The following TRRAP variants were observed in gnomAD, a reference collection of about 807,000 sequenced individuals.
TRRAP encodes the protein transformation/transcription domain associated protein, also known as transformation/transcription domain-associated protein.
A neutral mutation model predicts 438.8 loss-of-function variants in TRRAP; 41 were observed. The ratio of observed to expected loss-of-function variants is 0.09; its 90% CI spans 0.07 to 0.12. The LOEUF is 0.12. Among genes scored for constraint, TRRAP ranks in the 10% least tolerant of loss-of-function variants. The pLI is 1.00. For missense variants in TRRAP, 3,122 were observed against 5,055.1 expected (o/e 0.62, Z 11.60); for synonymous variants, 1,994 against 1,962.9 (o/e 1.02, Z -0.42).
intron 11 of TRRAP, among the ~76,000 whole-genome samples, chr7:98,902,908 TAA>T (rs34223624): frequency 9.8e-5 from 13 of 132,134 alleles, no homozygotes; most frequent in African/African-American, 2.9e-4. Context: ...CCCCCATTTC[TAA>T]AAAAAAAAAA....
At chr7:98,911,038 G>T in intron 16 of TRRAP, 39 bp from the exon 17 acceptor site, 1 of 1,592,918 alleles carries the variant, frequency 6.3e-7, no homozygotes, top group Non-Finnish European at 8.6e-7. Context: ...GAGAGGTTCA[G>T]TTTTAATGCC....
intron 69 of TRRAP, 64 bp from the exon 70 acceptor site, chr7:99,008,313 G>C: frequency 6.5e-7 from 1 of 1,533,438 alleles, no homozygotes; most frequent in South Asian, 1.2e-5. Context: ...CACTCTGACG[G>C]TGGAGCTGAG....
intron 12 of TRRAP, among the ~76,000 whole-genome samples, chr7:98,904,483 C>CAAA (rs59353514): frequency 9.9e-4 from 45 of 45,552 alleles, no homozygotes; most frequent in African/African-American, 2.2e-3. Context: ...GACTCTGTCT[C>CAAA]AAAAAAAAAA....
At chr7:98,914,718 C>CA (rs71118646) in intron 18 of TRRAP, among the ~76,000 whole-genome samples, 21,872 of 41,184 alleles carry the variant, frequency 0.53, 9,413 homozygotes, top group Non-Finnish European at 0.77. Flanking sequence ...GACCCTGTCT[C>CA]AAAAAAAAAA....
At position 98,948,268 on chromosome 7, in the gene TRRAP, G is replaced by C; in HGVS notation, c.4596G>C (p.Pro1532=). 2 of 1,614,106 alleles carry C rather than the reference G, an allele frequency of 1.2e-6. No individual in the cohort carries two copies. Among genetic ancestry groups the C allele is most frequent in the Non-Finnish European group, 1.7e-6 (2 of 1,180,044 alleles). Residue 1532 remains proline, a synonymous_variant, in exon 34 of 73, where the codon CCG becomes CCC. Transcript: ENST00000456197. The surrounding 1 kb of genome is among the most constrained non-coding windows in gnomAD (Gnocchi z 4.9). ...SAIINLFHLI[P]AAPQTLVKPL... is the part of the protein sequence containing the mutation. ...TTATAAACCTTTTTCATCTGATCCC[G>C]GCTGCTCCTCAGACACTGGTGAAGC... is the stretch of plus-strand genomic sequence containing the variant.
At chr7:98,878,879 G>A (rs1269542889) in intron 1 of TRRAP, among the ~76,000 whole-genome samples, 1 of 152,172 alleles carries the variant, frequency 6.6e-6, no homozygotes, top group Non-Finnish European at 1.5e-5. Context: ...GGCGCTCGGC[G>A]CTCGCCGTAG....
At position 98,917,523 on chromosome 7, in the gene TRRAP, G is replaced by T; in HGVS notation, c.2466G>T (p.Pro822=). 1 of 1,614,170 alleles carries T rather than the reference G, an allele frequency of 6.2e-7. No homozygotes were observed. ...CTGTGCGGCTGAGCTCGCTTTTGCC[G>T]TACCTGCCCATGCTTATGGATCCCT... ...TVPVRLSSLL[P]YLPMLMDPLV... The change falls in exon 20 of 73, where the codon CCG becomes CCT. Residue 822 remains proline (P), a synonymous_variant. Transcript: ENST00000456197.
At chr7:98,950,624 G>A (rs2116614053) in intron 38 of TRRAP, among the ~76,000 whole-genome samples, 1 of 152,342 alleles carries the variant, frequency 6.6e-6, no homozygotes. Context: ...AGGGTGGTTT[G>A]TTAATTGCCT....
At chr7:98,937,969 G>A (rs1790629814) in intron 30 of TRRAP, 149 bp downstream of exon 30, 1 of 825,140 alleles carries the variant, frequency 1.2e-6, no homozygotes, top group African/African-American at 1.8e-5. Context: ...GCAGTTGGGA[G>A]TTCGAGACCA....
chr7:98,893,771 T>C, intron 5 of TRRAP, 27 bp from the exon 6 acceptor site: 2 of 1,604,006 alleles, frequency 1.2e-6, no homozygotes, highest in Non-Finnish European at 1.7e-6. Context: ...TTCAGAAGTA[T>C]AACTTTCATT....
intron 12 of TRRAP, among the ~76,000 whole-genome samples, chr7:98,904,543 G>A (rs1409786839): frequency 7.4e-5 from 11 of 149,124 alleles, no homozygotes; most frequent in African/African-American, 2.2e-4. Context: ...CCTCCTTCCC[G>A]TTACTGTACA....
chr7:98,897,579 G>A (rs1223993168), intron 7 of TRRAP, among the ~76,000 whole-genome samples, 162 bp from the exon 8 acceptor site: 1 of 152,224 alleles, frequency 6.6e-6, no homozygotes. Flanking sequence ...ATGAATGGCT[G>A]AGCCTAAATA....
At chr7:99,008,039 T>C (rs1010235028) in intron 69 of TRRAP, among the ~76,000 whole-genome samples, 3 of 151,896 alleles carry the variant, frequency 2.0e-5, no homozygotes, top group Non-Finnish European at 4.4e-5. Flanking sequence ...TTGACCAGGA[T>C]GGTCTCGATC....
chr7:98,975,418 C>G (rs1257190954), intron 53 of TRRAP, among the ~76,000 whole-genome samples: 1 of 152,212 alleles, frequency 6.6e-6, no homozygotes, highest in Non-Finnish European at 1.5e-5. Flanking sequence ...TAGGGTGTCT[C>G]CTGTGGGCTA....
intron 52 of TRRAP, 50 bp downstream of exon 52, chr7:98,970,341 C>T: frequency 6.3e-7 from 1 of 1,588,798 alleles, no homozygotes; most frequent in Non-Finnish European, 8.5e-7. Context: ...GGTGAGGCCC[C>T]ACACCCCACG....
Position 98,892,438 on chromosome 7 carries a change from C to A in TRRAP, c.276C>A (p.Leu92=). 1.2e-6 allele frequency: 2 copies of A among 1,611,410 alleles called. No homozygotes were observed. Among genetic ancestry groups the A allele is most frequent in the Non-Finnish European group, 1.7e-6 (2 of 1,179,418 alleles). ...QEKPAQQLRK[L]VLEIIHRIPT... ...TTTCTTGCCAGCAACTGCGGAAGCTCGTACTTGAAATAATTCATAGAATAC... is the reference window on the plus strand; with the variant it reads ...TTTCTTGCCAGCAACTGCGGAAGCTAGTACTTGAAATAATTCATAGAATAC... The change falls in exon 5 of 73, where the codon CTC becomes CTA. Residue 92 remains leucine, a synonymous_variant. Transcript: ENST00000456197.
At chr7:98,892,963 T>C (rs556517826) in intron 5 of TRRAP, among the ~76,000 whole-genome samples, 16 of 152,232 alleles carry the variant, frequency 1.1e-4, no homozygotes, top group Admixed American at 4.6e-4. Flanking sequence ...TCTTTCTTTT[T>C]TTTTTTCTTT....
At chr7:98,909,432 G>A (rs781996650) in intron 14 of TRRAP, among the ~76,000 whole-genome samples, 7 of 152,168 alleles carry the variant, frequency 4.6e-5, no homozygotes, top group Non-Finnish European at 7.3e-5. Context: ...CTTCACTTCT[G>A]TGCACCAGTT....
Position 98,958,101 on chromosome 7 carries a change from C to T in TRRAP, c.6342+10C>T. 1 of 1,612,438 alleles carries T rather than the reference C, an allele frequency of 6.2e-7. No individual in the cohort carries two copies. The highest frequency in any genetic ancestry group is 8.5e-7 in the Non-Finnish European group (1 of 1,178,922). On this transcript the variant is annotated intron_variant, in intron 44 of 72. Coordinates refer to ENST00000456197, the MANE Select transcript of TRRAP (RefSeq NM_001375524.1). ...CCGCGTGGCCTGTCAGGTACGGGAT[C>T]CAAGTGCCCTGCGTTAGGGCTTCTG...
Sources: allele counts gnomAD v4.1 joint callset (sites outside exome capture counted in the v4.1 genomes callset), GRCh38; gene constraint gnomAD v4.1.1; non-coding constraint Gnocchi (gnomAD v3.1); transcripts MANE v1.5; gene names NCBI Gene and HGNC (gene_info 2026-07-23, HGNC 2026-07-21).